SGCZ: variants seen among roughly 807,000 people sequenced by gnomAD.
The protein encoded by SGCZ is zeta-sarcoglycan.
SGCZ carries 40 observed loss-of-function variants against 41.3 expected under a neutral mutation model. That is an observed-to-expected ratio of 0.97 (90% CI 0.75 to 1.26). The LOEUF (loss-of-function observed/expected upper bound fraction) is 1.26. Ranked by LOEUF, SGCZ falls within the 50% of genes most tolerant of loss-of-function variation. The pLI, the probability that SGCZ is intolerant of heterozygous loss-of-function variation, is 0.00. For synonymous variants in SGCZ, 206 were observed against 137.5 expected, an observed-to-expected ratio of 1.50 and a Z score of -3.49; for missense variants, 552 against 369.8, an observed-to-expected ratio of 1.49 and a Z score of -4.04.
intron 3 of SGCZ, among the ~76,000 whole-genome samples, chr8:14,268,411 C>A (rs13262285): frequency 2.0e-5 from 3 of 150,576 alleles, no homozygotes; most frequent in Admixed American, 6.6e-5. Flanking sequence ...CCATTTTTGC[C>A]TCTGACTTTC....
chr8:14,101,108 C>G (rs1429449876), intron 7 of SGCZ, among the ~76,000 whole-genome samples: 1 of 150,844 alleles, frequency 6.6e-6, no homozygotes, highest in African/African-American at 2.4e-5. Flanking sequence ...AAGCATCTGC[C>G]AAGATGTCCA....
At chr8:14,149,132 A>G (rs1414039141) in intron 5 of SGCZ, among the ~76,000 whole-genome samples, 1 of 152,096 alleles carries the variant, frequency 6.6e-6, no homozygotes, top group African/African-American at 2.4e-5. Context: ...GAACACAACA[A>G]TGATGCCAAT....
intron 4 of SGCZ, among the ~76,000 whole-genome samples, chr8:14,225,221 G>A (rs937071231): frequency 6.6e-6 from 1 of 151,962 alleles, no homozygotes; most frequent in East Asian, 1.9e-4. Context: ...GTTTAAGAAG[G>A]TTACTCATAG....
At chr8:14,464,942 C>T (rs745758427) in intron 2 of SGCZ, among the ~76,000 whole-genome samples, 1 of 151,566 alleles carries the variant, frequency 6.6e-6, no homozygotes, top group Non-Finnish European at 1.5e-5. Context: ...TTGGATAACA[C>T]ACTTTTTATG....
intron 1 of SGCZ, among the ~76,000 whole-genome samples, chr8:14,795,648 G>T (rs1397933435): frequency 6.6e-6 from 1 of 152,002 alleles, no homozygotes; most frequent in African/African-American, 2.4e-5. Context: ...AAACAAACTG[G>T]TACAGACTTC....
chr8:14,667,810 A>T (rs1340911021), intron 1 of SGCZ, among the ~76,000 whole-genome samples: 4 of 152,158 alleles, frequency 2.6e-5, no homozygotes, highest in African/African-American at 9.7e-5. Context: ...TATAAACATA[A>T]AAAAGAGATG....
At chr8:14,130,291 G>GAA (rs140894776) in intron 5 of SGCZ, among the ~76,000 whole-genome samples, 20 of 144,630 alleles carry the variant, frequency 1.4e-4, no homozygotes, top group East Asian at 6.0e-4. Context: ...CCTCTAAAAT[G>GAA]AAAAAAAAAA....
chr8:15,195,797 T>G (rs1800705092), intron 1 of SGCZ, among the ~76,000 whole-genome samples: 1 of 152,222 alleles, frequency 6.6e-6, no homozygotes, highest in African/African-American at 2.4e-5. Flanking sequence ...AACAAGTCAT[T>G]TAAACTGTAT....
chr8:14,608,926 T>C (rs73664407), intron 1 of SGCZ, among the ~76,000 whole-genome samples: 4,318 of 152,274 alleles, frequency 0.028, 204 homozygotes, highest in African/African-American at 0.097. Context: ...TAGGACAATT[T>C]AGATAAAATT....
chr8:14,948,471 T>TGAGA (rs143082015), intron 1 of SGCZ, among the ~76,000 whole-genome samples: 65 of 147,902 alleles, frequency 4.4e-4, no homozygotes, highest in East Asian at 6.0e-4. Flanking sequence ...TCTTATCTTA[T>TGAGA]GAGAGAGAGA....
intron 1 of SGCZ, among the ~76,000 whole-genome samples, chr8:14,778,964 C>G (rs1272090343): frequency 6.6e-6 from 1 of 152,148 alleles, no homozygotes; most frequent in Non-Finnish European, 1.5e-5. Flanking sequence ...CATCACATTC[C>G]TAGACATATG....
chr8:14,892,225 C>T (rs79331662), intron 1 of SGCZ, among the ~76,000 whole-genome samples: 20,430 of 152,136 alleles, frequency 0.13, 1,573 homozygotes, highest in Admixed American at 0.25. Flanking sequence ...TTACCAAACA[C>T]GCCCTAGGCC....
chr8:14,303,444 A>G (rs769303065), intron 3 of SGCZ, among the ~76,000 whole-genome samples: 1 of 152,190 alleles, frequency 6.6e-6, no homozygotes, highest in Non-Finnish European at 1.5e-5. Flanking sequence ...CCTGTACTAT[A>G]CACACATACC....
chr8:14,811,118 T>G (rs1373371590), intron 1 of SGCZ, among the ~76,000 whole-genome samples: 1 of 152,022 alleles, frequency 6.6e-6, no homozygotes, highest in Non-Finnish European at 1.5e-5. Flanking sequence ...GTAAGAAATA[T>G]AGAACACAGA....
chr8:14,621,780 G>C (rs1408569330), intron 1 of SGCZ, among the ~76,000 whole-genome samples: 1 of 152,050 alleles, frequency 6.6e-6, no homozygotes, highest in Admixed American at 6.6e-5. Context: ...CCTCCCACCA[G>C]TTCTCTCCCC....
intron 1 of SGCZ, among the ~76,000 whole-genome samples, chr8:15,051,821 A>G (rs997765060): frequency 2.0e-5 from 3 of 152,192 alleles, no homozygotes; most frequent in African/African-American, 7.2e-5. Flanking sequence ...TAACCATAGC[A>G]TCAAAAAGTC....
intron 1 of SGCZ, among the ~76,000 whole-genome samples, chr8:15,049,926 A>T (rs7822323): frequency 0.14 from 21,338 of 152,126 alleles, 1,691 homozygotes; most frequent in South Asian, 0.24. Context: ...CATGATTGTG[A>T]GTCCTCCACA....
chr8:15,012,041 A>C (rs575449405), intron 1 of SGCZ, among the ~76,000 whole-genome samples: 1 of 152,316 alleles, frequency 6.6e-6, no homozygotes, highest in East Asian at 1.9e-4. Context: ...ATTCTGTTTA[A>C]CTACTCAATC....
rs1455028020 is a variant in SGCZ at position 14,090,503 on chromosome 8, A to G, written c.879T>C (p.Leu293=). ...AAGTGGAACCTACTCCTGCTGGAGA[A>G]AGGTAAAGTTTGCCATTGGGGCAGA... ...LCVCPNGKLY[L]SPAGVGSTCQ... The change falls in exon 8 of 8, where the codon CTT becomes CTC. Residue 293 remains leucine (L), a synonymous_variant. Coordinates refer to ENST00000382080, the MANE Select transcript of SGCZ (RefSeq NM_139167.4). 6.2e-7 allele frequency: 1 copy of G among 1,613,060 alleles called. No homozygotes were observed. The highest frequency in any genetic ancestry group is 8.5e-7 in the Non-Finnish European group (1 of 1,179,378).
Sources: gnomAD v4.1 joint callset for allele counts (sites outside exome capture counted in the v4.1 genomes callset) on GRCh38, gnomAD v4.1.1 for gene constraint, MANE v1.5 for transcripts, NCBI Gene and HGNC (gene_info 2026-07-23, HGNC 2026-07-21) for gene names.